The following ADCY2 variants were observed in gnomAD, a reference collection of about 807,000 sequenced individuals.
ADCY2 encodes adenylate cyclase type 2.
Under a neutral mutation model 125.2 loss-of-function variants are expected in ADCY2, and 31 were observed. The observed-to-expected ratio is 0.25, with a 90% CI of 0.19 to 0.33. The LOEUF (loss-of-function observed/expected upper bound fraction) is 0.33, where lower values mean the gene tolerates loss of function less well. Among genes scored for constraint, ADCY2 ranks in the 10% least tolerant of loss-of-function variants. ADCY2 has a pLI of 1.00. For synonymous variants in ADCY2, 512 were observed against 548.4 expected (o/e 0.93, Z 0.93); for missense variants, 904 against 1,418.2 (o/e 0.64, Z 5.82).
intron 4 of ADCY2, among the ~76,000 whole-genome samples, chr5:7,627,519 C>G (rs1738175252): frequency 6.6e-6 from 1 of 152,202 alleles, no homozygotes; most frequent in African/African-American, 2.4e-5. Flanking sequence ...TAATAATTAG[C>G]ATGGCTGGCT....
chr5:7,472,519 A>G (rs1321717427), intron 2 of ADCY2, among the ~76,000 whole-genome samples: 1 of 152,150 alleles, frequency 6.6e-6, no homozygotes, highest in Non-Finnish European at 1.5e-5. Context: ...ATGCATATAT[A>G]TATGCAAGTA....
At chr5:7,647,891 GT>G (rs1307492599) in intron 4 of ADCY2, among the ~76,000 whole-genome samples, 10 of 152,100 alleles carry the variant, frequency 6.6e-5, no homozygotes, top group African/African-American at 2.4e-4. Flanking sequence ...CAGACTTAAA[GT>G]ATAAAGCAAA....
chr5:7,585,589 C>A (rs1055282598), intron 3 of ADCY2, among the ~76,000 whole-genome samples: 1 of 152,170 alleles, frequency 6.6e-6, no homozygotes, highest in African/African-American at 2.4e-5. Flanking sequence ...AGCCAATTTA[C>A]AATCTGAATT....
chr5:7,416,116 G>C (rs186582533), intron 2 of ADCY2, among the ~76,000 whole-genome samples: 31 of 152,302 alleles, frequency 2.0e-4, no homozygotes, highest in South Asian at 1.2e-3. Flanking sequence ...ACAGAATACT[G>C]TTGGTGTGCC....
intron 4 of ADCY2, among the ~76,000 whole-genome samples, chr5:7,639,946 A>G (rs1450431641): frequency 6.6e-6 from 1 of 152,120 alleles, no homozygotes; most frequent in Non-Finnish European, 1.5e-5. Context: ...GAGTGTAGAC[A>G]TGGAATTTTT....
intron 2 of ADCY2, among the ~76,000 whole-genome samples, chr5:7,484,469 C>A (rs1382226019): frequency 1.3e-5 from 2 of 152,176 alleles, no homozygotes; most frequent in African/African-American, 4.8e-5. Flanking sequence ...CAGAGAGACC[C>A]AAGCTCCATT....
intron 3 of ADCY2, among the ~76,000 whole-genome samples, chr5:7,556,441 G>A (rs761855618): frequency 6.6e-6 from 1 of 152,182 alleles, no homozygotes; most frequent in Non-Finnish European, 1.5e-5. Flanking sequence ...TTCTTACTAG[G>A]TATGTATTAG....
At chr5:7,558,711 C>G (rs944813871) in intron 3 of ADCY2, among the ~76,000 whole-genome samples, 1 of 152,122 alleles carries the variant, frequency 6.6e-6, no homozygotes, top group African/African-American at 2.4e-5. Flanking sequence ...TCAATTTTTG[C>G]TTCTGTTGTG....
intron 4 of ADCY2, among the ~76,000 whole-genome samples, chr5:7,635,567 G>GT (rs1222761287): frequency 6.6e-6 from 1 of 152,072 alleles, no homozygotes; most frequent in African/African-American, 2.4e-5. Flanking sequence ...CCAGATTTGA[G>GT]TTTTTAACAG....
In ADCY2 at chr5:7,665,963, T is replaced by C. The variant is rs550501025; in HGVS notation, c.721-24728T>C. ...ACGCCATTCTCCTGCCTCAGCTTCC[T>C]GAGTAGCTGGGACTACAGGCACCCG... On this transcript the variant is annotated intron_variant, in intron 4 of 24. Transcript: ENST00000338316. Among the ~76,000 whole-genome samples, 42 of 146,360 alleles carry C rather than the reference T, an allele frequency of 2.9e-4. No homozygotes were observed. The South Asian group carries it at 3.6e-3, about 12-fold the overall frequency.
chr5:7,525,062 G>C (rs1203800223), intron 3 of ADCY2, among the ~76,000 whole-genome samples: 9 of 152,078 alleles, frequency 5.9e-5, no homozygotes, highest in Admixed American at 4.6e-4. Context: ...GAGTGCAGTG[G>C]TGTAATCTCG....
At chr5:7,690,863 G>T in intron 5 of ADCY2, 24 bp downstream of exon 5, 1 of 1,520,082 alleles carries the variant, frequency 6.6e-7, no homozygotes, top group South Asian at 1.3e-5. Flanking sequence ...CTTGCTCCTT[G>T]GCTGGTCTGG....
intron 16 of ADCY2, among the ~76,000 whole-genome samples, chr5:7,762,754 G>A (rs1305789488): frequency 6.6e-6 from 1 of 151,504 alleles, no homozygotes; most frequent in East Asian, 1.9e-4. Flanking sequence ...ACATTTTCCA[G>A]ACTGATGGAG....
At chr5:7,704,078 C>G (rs1207653811) in intron 7 of ADCY2, among the ~76,000 whole-genome samples, 1 of 151,788 alleles carries the variant, frequency 6.6e-6, no homozygotes, top group African/African-American at 2.4e-5. Flanking sequence ...TCAGCACGTT[C>G]CAGGAATTGT....
chr5:7,475,454 T>C (rs1742487493), intron 2 of ADCY2, among the ~76,000 whole-genome samples: 1 of 151,904 alleles, frequency 6.6e-6, no homozygotes, highest in Admixed American at 6.6e-5. Context: ...CCATCTCGGC[T>C]CACTGCAACC....
At chr5:7,538,052 C>G (rs900766521) in intron 3 of ADCY2, among the ~76,000 whole-genome samples, 1 of 152,212 alleles carries the variant, frequency 6.6e-6, no homozygotes, top group Non-Finnish European at 1.5e-5. Context: ...CTGAATAACA[C>G]TGGACTCTCT....
At chr5:7,487,047 A>C (rs1339931236) in intron 2 of ADCY2, among the ~76,000 whole-genome samples, 2 of 152,202 alleles carry the variant, frequency 1.3e-5, no homozygotes, top group Non-Finnish European at 2.9e-5. Context: ...TCAAAGCATT[A>C]GTTCGAGTTC....
chr5:7,429,902 A>G (rs1290216988), intron 2 of ADCY2, among the ~76,000 whole-genome samples: 3 of 152,312 alleles, frequency 2.0e-5, no homozygotes, highest in Admixed American at 2.0e-4. Flanking sequence ...AAGCAGGAAA[A>G]CAATAATCAG....
intron 3 of ADCY2, among the ~76,000 whole-genome samples, chr5:7,543,960 G>A (rs1316289727): frequency 7.0e-6 from 1 of 143,358 alleles, no homozygotes; most frequent in African/African-American, 2.6e-5. Flanking sequence ...GTTGCAGTGA[G>A]CCAGGATAGC....
Sources: allele counts gnomAD v4.1 joint callset (sites outside exome capture counted in the v4.1 genomes callset), GRCh38; gene constraint gnomAD v4.1.1; transcripts MANE v1.5; gene names NCBI Gene and HGNC (gene_info 2026-07-23, HGNC 2026-07-21).